ACLY: variants seen among roughly 807,000 people sequenced by gnomAD.
ACLY encodes ATP-citrate synthase.
ACLY carries 41 observed loss-of-function variants against 133.0 expected under a neutral mutation model. That is an observed-to-expected ratio of 0.31 (90% CI 0.24 to 0.40). The LOEUF is 0.40. Ranked by LOEUF, ACLY falls within the 10% of genes least tolerant of loss-of-function variation. ACLY has a pLI of 1.00. For synonymous variants in ACLY, 495 were observed against 549.3 expected (o/e 0.90, Z 1.38); for missense variants, 1,046 against 1,453.8 (o/e 0.72, Z 4.56).
chr17:41,909,193 C>A, intron 5 of ACLY, 125 bp from the exon 6 acceptor site: 1 of 759,342 alleles, frequency 1.3e-6, no homozygotes, highest in Non-Finnish European at 2.3e-6. Context: ...ACCCCACTGG[C>A]CCTTCCATCT....
intron 1 of ACLY, among the ~76,000 whole-genome samples, chr17:41,925,561 G>C (rs782359923): frequency 6.6e-6 from 1 of 151,848 alleles, no homozygotes; most frequent in Non-Finnish European, 1.5e-5. Context: ...GCAGTGAGCC[G>C]AGATTGTGCC....
Position 41,878,902 on chromosome 17 carries a change from G to A in ACLY, c.2288C>T (p.Ala763Val), listed in dbSNP as rs2048831856. The part of the protein sequence containing the change: ...SSEVQFGHAG[A>V]CANQASETAV... ...AGTTTCAGAAGCCTGGTTGGCACAAGCTCCAGCATGGCCAAACTGGACCTG... is the reference window on the plus strand; with the variant it reads ...AGTTTCAGAAGCCTGGTTGGCACAAACTCCAGCATGGCCAAACTGGACCTG... Residue 763 changes from alanine (A) to valine (V), a missense_variant, in exon 21 of 29, where the codon GCT (alanine) becomes GTT (valine). By Grantham distance (64) the Ala-to-Val change is moderately conservative (BLOSUM62 0). Transcript: ENST00000352035. The A allele has an allele frequency of 6.2e-7, 1 of 1,613,936 alleles. No individual in the cohort carries two copies. Among genetic ancestry groups the A allele is most frequent in the Non-Finnish European group, 8.5e-7 (1 of 1,179,980 alleles).
At chr17:41,881,416 CAAAAAAA>C (rs34173466) in intron 20 of ACLY, among the ~76,000 whole-genome samples, 7 of 41,592 alleles carry the variant, frequency 1.7e-4, no homozygotes, top group South Asian at 9.2e-4. Context: ...GACTCCGTCT[CAAAAAAA>C]AAAAAAAAAA....
chr17:41,882,102 C>T (rs1163182313), intron 20 of ACLY, among the ~76,000 whole-genome samples: 1 of 152,024 alleles, frequency 6.6e-6, no homozygotes, highest in Non-Finnish European at 1.5e-5. Context: ...GGCATGGTGG[C>T]TCACGCCTGT....
rs532453858 is a variant in ACLY at position 41,892,392 on chromosome 17, A to G, written c.1657T>C (p.Phe553Leu). 10 of 1,613,886 alleles carry G rather than the reference A, an allele frequency of 6.2e-6. No homozygotes were observed. Among genetic ancestry groups the G allele is most frequent in the Non-Finnish European group, 8.5e-6 (10 of 1,179,956 alleles). ...CTCATGGCATCAGCCATGTTCTTGA[A>G]GACAGGGATCAGGATCTCTTTGTGC... ...WGHKEILIPV[F>L]KNMADAMRKH... Residue 553 changes from phenylalanine to leucine, a missense_variant, in exon 16 of 29, where the codon TTC (phenylalanine) becomes CTC (leucine). Transcript: ENST00000352035.
chr17:41,912,929 G>A (rs1598042944), intron 2 of ACLY, among the ~76,000 whole-genome samples: 1 of 152,170 alleles, frequency 6.6e-6, no homozygotes, highest in African/African-American at 2.4e-5. Context: ...GAGCCTTGAG[G>A]CAGCAAGGAA....
intron 20 of ACLY, among the ~76,000 whole-genome samples, chr17:41,882,440 T>TTGTACACA (rs1555627533): frequency 1.4e-5 from 2 of 145,428 alleles, no homozygotes; most frequent in Non-Finnish European, 1.5e-5. Flanking sequence ...CAGAGTATTC[T>TTGTACACA]TGTACACACA....
rs1041725401 is a variant in ACLY, at chr17:41,885,643, A to G, written c.2072+469T>C. Reference sequence around the variant, plus strand: ...CCTGGCTCAGACACTTATATGTATTACAATTCATTTATTCCTCCAGTAGCC... The same window carrying G: ...CCTGGCTCAGACACTTATATGTATTGCAATTCATTTATTCCTCCAGTAGCC... On this transcript the variant is annotated intron_variant, in intron 18 of 28. Coordinates refer to ENST00000352035, the MANE Select transcript of ACLY (RefSeq NM_001096.3). Among the ~76,000 whole-genome samples, 3 of 152,328 alleles carry G rather than the reference A, an allele frequency of 2.0e-5. No individual in the cohort carries two copies. The East Asian group carries it at 5.8e-4, about 29-fold the overall frequency.
Position 41,871,944 on chromosome 17 carries a change from G to T in ACLY, c.2793+88C>A. On this transcript the variant is annotated intron_variant, in intron 24 of 28. Transcript: ENST00000352035. Reference sequence around the variant, plus strand: ...TGAGCACTGGGTTTTACACTCAGGGGCTCCTTCTAGGGCCCTGCTGTGGCA... The same window carrying T: ...TGAGCACTGGGTTTTACACTCAGGGTCTCCTTCTAGGGCCCTGCTGTGGCA... 3.8e-6 allele frequency: 6 copies of T among 1,592,778 alleles called. No individual in the cohort carries two copies. The South Asian group carries it at 6.8e-5, about 18-fold the overall frequency.
chr17:41,919,998 G>A (rs1198803224), upstream of ACLY, among the ~76,000 whole-genome samples: 1 of 152,168 alleles, frequency 6.6e-6, no homozygotes, highest in Non-Finnish European at 1.5e-5. Flanking sequence ...CTAGCTCCAG[G>A]AAGGAGGCCA....
chr17:41,871,616 A>T (rs1808787), intron 25 of ACLY, 73 bp downstream of exon 25: 1,211,664 of 1,585,732 alleles, frequency 0.76, 464,901 homozygotes, highest in Admixed American at 0.87. Context: ...TGGCCTCCCA[A>T]AGTGCTGTGA....
rs1555633616 is a variant in ACLY at position 41,911,343 on chromosome 17, G to A, written c.283-1059C>T. Among the ~76,000 whole-genome samples the A allele has an allele frequency of 1.3e-5, 2 of 152,126 alleles. 1 individual carries two copies. Among genetic ancestry groups the A allele is most frequent in the South Asian group, 4.1e-4 (2 of 4,834 alleles). Reference sequence around the variant, plus strand: ...GTGCTCTACAGAGCCAGGTGTGGATGGCACATTCTTCCCAGGCTAGGCCAG... The same window carrying A: ...GTGCTCTACAGAGCCAGGTGTGGATAGCACATTCTTCCCAGGCTAGGCCAG... On this transcript the variant is annotated intron_variant, in intron 3 of 28. Transcript: ENST00000352035.
At chr17:41,925,005 G>A (rs1450561679) in intron 1 of ACLY, among the ~76,000 whole-genome samples, 1 of 150,646 alleles carries the variant, frequency 6.6e-6, no homozygotes, top group Non-Finnish European at 1.5e-5. Context: ...CATATGACAC[G>A]TTTAAACTTA....
Position 41,912,456 on chromosome 17 carries a change from C to A in ACLY, c.246G>T (p.Lys82Asn). 1 of 1,614,232 alleles carries A rather than the reference C, an allele frequency of 6.2e-7. No individual in the cohort carries two copies. Among genetic ancestry groups the A allele is most frequent in the Non-Finnish European group, 8.5e-7 (1 of 1,180,038 alleles). ...VGVNLTLDGV[K>N]SWLKPRLGQE... ...GTCCCAGCCGTGGCTTCAGCCAGGA[C>A]TTGACCCCATCCAGAGTGAGGTTGA... The change falls in exon 3 of 29, where the codon AAG becomes AAT. Residue 82 changes from lysine to asparagine, a missense_variant. Transcript: ENST00000352035.
chr17:41,912,429 C>T lies in ACLY; in HGVS notation c.273G>A (p.Gln91=). 6.2e-7 allele frequency: 1 copy of T among 1,614,126 alleles called. No homozygotes were observed. The highest frequency in any genetic ancestry group is 1.1e-5 in the South Asian group (1 of 91,056). ...VKSWLKPRLG[Q]EATVGKATGF... ...CCCCATGCCCACTCACTGTGGCTTCCTGTCCCAGCCGTGGCTTCAGCCAGG... is the reference window on the plus strand; with the variant it reads ...CCCCATGCCCACTCACTGTGGCTTCTTGTCCCAGCCGTGGCTTCAGCCAGG... Residue 91 remains glutamine (Q), a synonymous_variant, in exon 3 of 29, where the codon CAG becomes CAA. Coordinates refer to ENST00000352035, the MANE Select transcript of ACLY (RefSeq NM_001096.3).
At chr17:41,903,612 C>T (rs2049599582) in intron 10 of ACLY, among the ~76,000 whole-genome samples, 1 of 151,580 alleles carries the variant, frequency 6.6e-6, no homozygotes, top group Non-Finnish European at 1.5e-5. Context: ...AAAAATTAGC[C>T]GGGTGTGGTG....
intron 10 of ACLY, chr17:41,904,477 G>A (rs1555632209): frequency 1.4e-5 from 7 of 498,038 alleles, no homozygotes; most frequent in Middle Eastern, 5.4e-4. Flanking sequence ...GCAGAAATTC[G>A]CCTCCCATGC....
chr17:41,896,694 C>A, intron 13 of ACLY, 45 bp from the exon 14 acceptor site: 1 of 1,533,160 alleles, frequency 6.5e-7, no homozygotes, highest in Non-Finnish European at 8.8e-7. Flanking sequence ...CCACTGATGG[C>A]TGGAGGCTTT....
rs568601775 is a variant in ACLY, at chr17:41,869,418, T to C, written c.3051+56A>G. On this transcript the variant is annotated intron_variant, in intron 26 of 28. Transcript: ENST00000352035. ...TAATCAAAATGTAACGTGGCTCCTG[T>C]TTCCTCCAATAAACTTGTCCAACGT... 4.2e-6 allele frequency: 6 copies of C among 1,424,480 alleles called. 1 individual carries two copies. Among genetic ancestry groups the C allele is most frequent in the Admixed American group, 1.7e-5 (1 of 57,974 alleles). The allele number at this position is 1,424,480 out of a possible 1,614,324, so 88.2% of individuals were successfully genotyped here.
Sources: gnomAD v4.1 joint callset for allele counts (sites outside exome capture counted in the v4.1 genomes callset) on GRCh38, gnomAD v4.1.1 for gene constraint, MANE v1.5 for transcripts, NCBI Gene and HGNC (gene_info 2026-07-23, HGNC 2026-07-21) for gene names.